The following SLIT3 variants were observed in gnomAD, a reference collection of about 807,000 sequenced individuals.
SLIT3 encodes the protein slit guidance ligand 3, also known as slit homolog 3 protein.
SLIT3 carries 68 observed loss-of-function variants against 184.0 expected under a neutral mutation model. The observed-to-expected ratio is 0.37, with a 90% CI of 0.30 to 0.45. The LOEUF (loss-of-function observed/expected upper bound fraction) is 0.45. Ranked by LOEUF, SLIT3 falls within the 20% of genes least tolerant of loss-of-function variation. SLIT3 has a pLI of 1.00. For synonymous variants in SLIT3, 831 were observed against 828.6 expected (o/e 1.00, Z -0.05); for missense variants, 1,707 against 2,026.0 (o/e 0.84, Z 3.02).
chr5:168,680,926 A>G (rs1761570906), intron 32 of SLIT3, among the ~76,000 whole-genome samples: 2 of 152,342 alleles, frequency 1.3e-5, no homozygotes, highest in Non-Finnish European at 1.5e-5. Flanking sequence ...CAAGGTGGGC[A>G]GACTGCTTCA....
chr5:168,796,018 A>G (rs1318978337), intron 9 of SLIT3, among the ~76,000 whole-genome samples: 1 of 152,240 alleles, frequency 6.6e-6, no homozygotes, highest in Non-Finnish European at 1.5e-5. Flanking sequence ...ACAGTCAGCC[A>G]CACTGCTAAT....
chr5:168,928,803 C>T (rs1352403765), intron 4 of SLIT3, among the ~76,000 whole-genome samples: 1 of 152,156 alleles, frequency 6.6e-6, no homozygotes, highest in East Asian at 1.9e-4. Flanking sequence ...CTCCCATTTT[C>T]ATGATATTTC....
At position 168,711,042 on chromosome 5, in the gene SLIT3, G is replaced by A. The variant is rs1455110921; in HGVS notation, c.2572C>T (p.Pro858Ser). The A allele has an allele frequency of 1.9e-6, 3 of 1,584,720 alleles. No homozygotes were observed. Among genetic ancestry groups the A allele is most frequent in the Non-Finnish European group, 2.6e-6 (3 of 1,164,724 alleles). The change falls in exon 25 of 36, where the codon CCA (proline) becomes TCA (serine). Residue 858 changes from proline (P) to serine (S), a missense_variant. By Grantham distance (74) the Pro-to-Ser change is moderately conservative. Around this residue, in one of 3 missense-constraint regions of SLIT3, gnomAD observed 1,307 missense variants for 1,511.6 expected, o/e 0.86. Transcript: ENST00000519560. ...SLSHLALGTN[P>S]LHCDCSLRWL... ...CGAAGACTGCAGTCACAGTGGAGTGGGTTGGTTCCCAGCGCCCTAGGAGGC... is the reference window on the plus strand; with the variant it reads ...CGAAGACTGCAGTCACAGTGGAGTGAGTTGGTTCCCAGCGCCCTAGGAGGC...
At chr5:168,937,421 G>C (rs751359011) in intron 4 of SLIT3, among the ~76,000 whole-genome samples, 4 of 152,204 alleles carry the variant, frequency 2.6e-5, no homozygotes, top group Non-Finnish European at 5.9e-5. Context: ...AGAGAACACT[G>C]AGAAGGGAGC....
chr5:169,075,643 G>T (rs144776649), intron 4 of SLIT3, among the ~76,000 whole-genome samples: 35 of 152,196 alleles, frequency 2.3e-4, no homozygotes, highest in African/African-American at 8.2e-4. Flanking sequence ...ATTCTAGGTG[G>T]AAGCAAAAGA....
chr5:168,794,995 G>A (rs1183786901), intron 10 of SLIT3, among the ~76,000 whole-genome samples: 2 of 152,114 alleles, frequency 1.3e-5, no homozygotes, highest in East Asian at 3.9e-4. Flanking sequence ...TCTCCCACTC[G>A]AATGCAAGCT....
At chr5:168,781,466 A>C (rs527744897) in intron 12 of SLIT3, among the ~76,000 whole-genome samples, 2 of 152,202 alleles carry the variant, frequency 1.3e-5, no homozygotes, top group African/African-American at 4.8e-5. Context: ...CAGGTACACA[A>C]GAGAGGGAAG....
intron 4 of SLIT3, chr5:168,995,786 A>G (rs1755489938): frequency 6.6e-6 from 1 of 152,350 alleles, no homozygotes; most frequent in Admixed American, 6.5e-5. Flanking sequence ...ACCAGCACCA[A>G]GCTGGGACCC....
At chr5:169,157,241 T>C (rs1248511933) in intron 4 of SLIT3, among the ~76,000 whole-genome samples, 1 of 150,766 alleles carries the variant, frequency 6.6e-6, no homozygotes, top group Admixed American at 6.6e-5. Context: ...AGATAAAAGG[T>C]ACCCCTCCCC....
intron 4 of SLIT3, among the ~76,000 whole-genome samples, chr5:169,155,752 G>A (rs1461775238): frequency 6.6e-6 from 1 of 152,216 alleles, no homozygotes; most frequent in African/African-American, 2.4e-5. Flanking sequence ...AGTGACAAAT[G>A]TAAATTGGCT....
chr5:168,700,469 C>G (rs1258302361), intron 27 of SLIT3, 113 bp downstream of exon 27: 2 of 752,058 alleles, frequency 2.7e-6, no homozygotes, highest in African/African-American at 3.4e-5. Context: ...CCATGCTGAA[C>G]TGTGAGTCCT....
intron 12 of SLIT3, among the ~76,000 whole-genome samples, chr5:168,782,553 G>A (rs1561930184): frequency 6.6e-6 from 1 of 152,190 alleles, no homozygotes; most frequent in Non-Finnish European, 1.5e-5. Flanking sequence ...TGGGTGGGCA[G>A]GGGAAGGTAG....
At chr5:169,159,730 T>G (rs1053382065) in intron 4 of SLIT3, among the ~76,000 whole-genome samples, 1 of 151,966 alleles carries the variant, frequency 6.6e-6, no homozygotes, top group South Asian at 2.1e-4. Context: ...GAGCCCAGAT[T>G]GCACCACTGC....
At chr5:169,226,530 G>A (rs1449460258) in intron 3 of SLIT3, among the ~76,000 whole-genome samples, 2 of 152,230 alleles carry the variant, frequency 1.3e-5, no homozygotes, top group Middle Eastern at 3.4e-3. Flanking sequence ...TGCCTTCGCC[G>A]ACATTGTTTC....
At chr5:168,698,632 T>C (rs780409996) in intron 27 of SLIT3, among the ~76,000 whole-genome samples, 4 of 152,142 alleles carry the variant, frequency 2.6e-5, no homozygotes, top group South Asian at 2.1e-4. Flanking sequence ...GTGGTTATTA[T>C]GGCAGCCCTA....
chr5:168,674,340 C>T (rs527717328), intron 32 of SLIT3, among the ~76,000 whole-genome samples: 11 of 152,194 alleles, frequency 7.2e-5, no homozygotes, highest in African/African-American at 2.6e-4. Context: ...GCTCCAAAAG[C>T]CCACACTTTT....
intron 8 of SLIT3, among the ~76,000 whole-genome samples, chr5:168,811,663 G>T: frequency 6.6e-6 from 1 of 152,130 alleles, no homozygotes; most frequent in East Asian, 1.9e-4. Context: ...TCCACAACGA[G>T]CTATCACCCC....
chr5:168,753,658 G>A (rs956052295), intron 17 of SLIT3, among the ~76,000 whole-genome samples: 2 of 152,224 alleles, frequency 1.3e-5, no homozygotes, highest in African/African-American at 2.4e-5. Flanking sequence ...GTGTGTGTGT[G>A]AGTGTGCATG....
intron 5 of SLIT3, among the ~76,000 whole-genome samples, chr5:168,870,316 A>G (rs1759469921): frequency 6.6e-6 from 1 of 152,268 alleles, no homozygotes; most frequent in Non-Finnish European, 1.5e-5. Flanking sequence ...AGAATGGCCA[A>G]GAAAGCCAGT....
Sources: allele counts gnomAD v4.1 joint callset (sites outside exome capture counted in the v4.1 genomes callset), GRCh38; gene constraint gnomAD v4.1.1; regional missense constraint gnomAD v4.1.1; transcripts MANE v1.5; gene names NCBI Gene and HGNC (gene_info 2026-07-23, HGNC 2026-07-21).